Variants in LRRC37A3 observed in about 807,000 individuals in gnomAD.
The protein encoded by LRRC37A3 is leucine-rich repeat-containing protein 37A3.
Under a neutral mutation model 106.2 loss-of-function variants are expected in LRRC37A3, and 25 were observed. The ratio of observed to expected loss-of-function variants is 0.24; its 90% CI spans 0.17 to 0.33. LRRC37A3 has a LOEUF of 0.33. Among genes scored for constraint, LRRC37A3 ranks in the 10% least tolerant of loss-of-function variants. LRRC37A3 has a pLI of 1.00. For missense variants in LRRC37A3, 712 were observed against 1,644.9 expected (o/e 0.43, Z 9.81); for synonymous variants, 305 against 635.8 (o/e 0.48, Z 7.83).
rs1412855840 is a variant in LRRC37A3, at chr17:64,875,703, C to T, written c.2907-6537G>A. On this transcript the variant is annotated intron_variant, in intron 8 of 14. Transcript: ENST00000584306. ...ACTCAGGAGGCTGAGGCACTAGAAT[C>T]GCTTGAACCTGGGAGGCAGAGGTTG... 7.2e-5 allele frequency among the ~76,000 whole-genome samples: 11 copies of T among 151,988 alleles called. No individual in the cohort carries two copies. The East Asian group carries it at 1.7e-3, about 24-fold the overall frequency.
intron 2 of LRRC37A3, among the ~76,000 whole-genome samples, chr17:64,916,509 G>T (rs1012248363): frequency 2.0e-5 from 3 of 151,418 alleles, no homozygotes; most frequent in African/African-American, 7.3e-5. Flanking sequence ...AGGCATGGTG[G>T]CTCATGCCTG....
chr17:64,855,317 C>A (rs890510777), intron 14 of LRRC37A3, among the ~76,000 whole-genome samples: 1 of 151,266 alleles, frequency 6.6e-6, no homozygotes. Flanking sequence ...TTGAAGGAGA[C>A]AAGTGCCCTC....
At chr17:64,856,012 A>C (rs1284552074) in intron 13 of LRRC37A3, 123 bp from the exon 14 acceptor site, 4 of 1,585,656 alleles carry the variant, frequency 2.5e-6, no homozygotes, top group Non-Finnish European at 3.4e-6. Flanking sequence ...TTTTGAAGAC[A>C]GGAATTGCAT....
rs1023446536 is a variant in LRRC37A3 at position 64,876,366 on chromosome 17, G to C, written c.2907-7200C>G. On this transcript the variant is annotated intron_variant, in intron 8 of 14. Transcript: ENST00000584306. ...TTCAGCTAACTTTTAAATTTTTTTT[G>C]TAGAGATAAGCTCTCAGTATGTTGC... 1.5e-4 allele frequency among the ~76,000 whole-genome samples: 23 copies of C among 151,930 alleles called. 1 individual carries two copies. Among genetic ancestry groups the C allele is most frequent in the Admixed American group, 1.4e-3 (22 of 15,258 alleles).
rs752685034 is a variant in LRRC37A3, at chr17:64,860,215, G to A, written c.3931C>T (p.Arg1311Cys). Residue 1311 changes from arginine to cysteine, a missense_variant, in exon 12 of 15, where the codon CGC becomes TGC. By Grantham distance (180) the Arg-to-Cys change is radical. Transcript: ENST00000584306. ...GGTGTTCTGTGGGTCATGCGGGAGC[G>A]AGTTTTGTGAAAGCGGTATTTTTTT... The part of the protein sequence containing the change: ...SRKKYRFHKT[R>C]SRMTHRTPKV... 8.7e-6 allele frequency: 14 copies of A among 1,613,938 alleles called. No individual in the cohort carries two copies. Among genetic ancestry groups the A allele is most frequent in the African/African-American group, 8.0e-5 (6 of 75,024 alleles).
At chr17:64,915,204 C>A (rs1454020963) in intron 2 of LRRC37A3, among the ~76,000 whole-genome samples, 2 of 151,848 alleles carry the variant, frequency 1.3e-5, no homozygotes, top group African/African-American at 2.4e-5. Flanking sequence ...TCATTACACA[C>A]TGTATGAATC....
intron 8 of LRRC37A3, among the ~76,000 whole-genome samples, chr17:64,876,044 A>C (rs1973503190): frequency 6.6e-6 from 1 of 152,178 alleles, no homozygotes; most frequent in African/African-American, 2.4e-5. Flanking sequence ...CTAACTAAAA[A>C]AAATTTTTAG....
At chr17:64,858,744 G>A in intron 13 of LRRC37A3, 35 bp downstream of exon 13, 1 of 1,492,976 alleles carries the variant, frequency 6.7e-7, no homozygotes, top group Non-Finnish European at 9.3e-7. Flanking sequence ...AGACAGGACT[G>A]CATTCTGAAA....
At chr17:64,873,427 T>TGGGGTTATAGGCACAAGCCACCATGCC (rs1973388522) in intron 8 of LRRC37A3, among the ~76,000 whole-genome samples, 1 of 152,236 alleles carries the variant, frequency 6.6e-6, no homozygotes, top group Non-Finnish European at 1.5e-5. Context: ...CCCAAAGTGC[T>TGGGGTTATAGGCACAAGCCACCATGCC]GGGGTTATAG....
At position 64,854,490 on chromosome 17, in the gene LRRC37A3, C is replaced by T. The variant is rs1382215051; in HGVS notation, c.*109G>A. 1.2e-5 allele frequency: 18 copies of T among 1,520,210 alleles called. No individual in the cohort carries two copies. Among genetic ancestry groups the T allele is most frequent in the Middle Eastern group, 1.8e-4 (1 of 5,632 alleles). 94.2% of individuals were successfully genotyped at this position (1,520,210 alleles called of 1,614,324 possible). On this transcript the variant is annotated 3_prime_UTR_variant, in exon 15 of 15. Coordinates refer to ENST00000584306, the MANE Select transcript of LRRC37A3 (RefSeq NM_199340.5). ...ACGATGGCCCTGTGCTTGCTCTGCCCGCTGCCTCTGTGGATGTGTGGGCCG... is the reference window on the plus strand; with the variant it reads ...ACGATGGCCCTGTGCTTGCTCTGCCTGCTGCCTCTGTGGATGTGTGGGCCG...
chr17:64,915,549 A>C (rs1974684780), intron 2 of LRRC37A3, among the ~76,000 whole-genome samples: 1 of 152,258 alleles, frequency 6.6e-6, no homozygotes, highest in South Asian at 2.1e-4. Flanking sequence ...CAAGGCTGAA[A>C]TATTTACTAT....
chr17:64,883,519 G>T (rs1019397628), intron 8 of LRRC37A3, among the ~76,000 whole-genome samples: 2 of 152,012 alleles, frequency 1.3e-5, no homozygotes, highest in African/African-American at 4.8e-5. Flanking sequence ...AAGGGCCTGT[G>T]CAAGTGAGAA....
chr17:64,874,218 T>G (rs1973419412), intron 8 of LRRC37A3, among the ~76,000 whole-genome samples: 1 of 152,172 alleles, frequency 6.6e-6, no homozygotes, highest in African/African-American at 2.4e-5. Context: ...GGCAATAGAG[T>G]AAAACCCTGT....
rs533673405 is a variant in LRRC37A3, at chr17:64,899,510, T to C, written c.-495-1051A>G. The stretch of plus-strand genomic sequence containing the variant: ...TACGGAACCACCATCATATATGTGG[T>C]CTACTGTTGACGCAAACTTCATTTT... On this transcript the variant is annotated intron_variant, in intron 2 of 14. Coordinates refer to ENST00000584306, the MANE Select transcript of LRRC37A3 (RefSeq NM_199340.5). Among the ~76,000 whole-genome samples, 5 of 142,674 alleles carry C rather than the reference T, an allele frequency of 3.5e-5. No homozygotes were observed. The South Asian group carries it at 1.1e-3, about 30-fold the overall frequency. The allele number at this position is 142,674 out of a possible 152,430, so 93.6% of individuals were successfully genotyped here.
chr17:64,864,026 C>T (rs1218414663), intron 10 of LRRC37A3, among the ~76,000 whole-genome samples: 1 of 149,442 alleles, frequency 6.7e-6, no homozygotes, highest in Non-Finnish European at 1.5e-5. Flanking sequence ...ACAGAGTTTC[C>T]CCATGTTGCT....
Position 64,854,192 on chromosome 17 carries a change from C to A in LRRC37A3, c.*407G>T, listed in dbSNP as rs1387122700. 3.8e-6 allele frequency: 1 copy of A among 264,648 alleles called. No homozygotes were observed. The highest frequency in any genetic ancestry group is 7.1e-6 in the Non-Finnish European group (1 of 140,454). The allele number at this position is 264,648 out of a possible 1,614,324, so 16.4% of individuals were successfully genotyped here. On this transcript the variant is annotated 3_prime_UTR_variant, in exon 15 of 15. Transcript: ENST00000584306. ...AAGGGTGAAAAGCCCCCTACCAAGTCGGGATGAACATTCATGCGTGTGCTT... is the reference window on the plus strand; with the variant it reads ...AAGGGTGAAAAGCCCCCTACCAAGTAGGGATGAACATTCATGCGTGTGCTT...
intron 8 of LRRC37A3, among the ~76,000 whole-genome samples, chr17:64,885,342 C>T (rs1973840488): frequency 6.6e-6 from 1 of 151,936 alleles, no homozygotes; most frequent in African/African-American, 2.4e-5. Flanking sequence ...CTTCCCCCTC[C>T]CGGGTTCAAG....
At chr17:64,893,931 C>T (rs1322305560) in intron 4 of LRRC37A3, among the ~76,000 whole-genome samples, 2 of 148,686 alleles carry the variant, frequency 1.3e-5, no homozygotes, top group African/African-American at 5.3e-5. Flanking sequence ...GGATTACAGG[C>T]GTGAGCCACC....
At chr17:64,890,787 G>T (rs901932038) in intron 5 of LRRC37A3, among the ~76,000 whole-genome samples, 1 of 143,896 alleles carries the variant, frequency 6.9e-6, no homozygotes, top group African/African-American at 2.9e-5. Flanking sequence ...AGCCAAGATC[G>T]CACCATTGCA....
Sources: allele counts gnomAD v4.1 joint callset (sites outside exome capture counted in the v4.1 genomes callset), GRCh38; gene constraint gnomAD v4.1.1; transcripts MANE v1.5; gene names NCBI Gene and HGNC (gene_info 2026-07-23, HGNC 2026-07-21).